Variants in C8orf34 observed in about 807,000 individuals in gnomAD.
C8orf34 encodes the protein chromosome 8 open reading frame 34, also known as uncharacterized protein C8orf34.
C8orf34 carries 65 observed loss-of-function variants against 68.3 expected under a neutral mutation model. The observed-to-expected ratio is 0.95, with a 90% confidence interval of 0.78 to 1.17. C8orf34 has a LOEUF of 1.17. C8orf34 is among the 50% of genes most tolerant of loss of function. The pLI, the probability that C8orf34 is intolerant of heterozygous loss-of-function variation, is 0.00. For synonymous variants in C8orf34, 244 were observed against 241.2 expected, an observed-to-expected ratio of 1.01 and a Z score of -0.11; for missense variants, 664 against 655.4, an observed-to-expected ratio of 1.01 and a Z score of -0.14.
intron 2 of C8orf34, among the ~76,000 whole-genome samples, chr8:68,443,334 T>C (rs1810988310): frequency 6.6e-6 from 1 of 152,310 alleles, no homozygotes; most frequent in Non-Finnish European, 1.5e-5. Context: ...AATTGAATGA[T>C]GGTAAATAAT....
At chr8:68,748,447 G>A (rs1822582015) in intron 10 of C8orf34, among the ~76,000 whole-genome samples, 2 of 149,456 alleles carry the variant, frequency 1.3e-5, no homozygotes, top group South Asian at 2.1e-4. Flanking sequence ...GAGTGAACAG[G>A]CAACCTACAA....
intron 7 of C8orf34, among the ~76,000 whole-genome samples, chr8:68,632,169 C>A (rs1325853130): frequency 6.6e-6 from 1 of 152,070 alleles, no homozygotes; most frequent in Non-Finnish European, 1.5e-5. Flanking sequence ...GAAGTCTAGG[C>A]TGAGGTGGTG....
chr8:68,761,656 A>G (rs1823027803), intron 10 of C8orf34, among the ~76,000 whole-genome samples: 1 of 152,194 alleles, frequency 6.6e-6, no homozygotes, highest in Non-Finnish European at 1.5e-5. Flanking sequence ...AACACACCAA[A>G]TGGAACCACA....
At chr8:68,753,204 A>C (rs1452554978) in intron 10 of C8orf34, among the ~76,000 whole-genome samples, 1 of 152,178 alleles carries the variant, frequency 6.6e-6, no homozygotes, top group Non-Finnish European at 1.5e-5. Context: ...AATAATGAGC[A>C]CTCTTGGATC....
intron 12 of C8orf34, among the ~76,000 whole-genome samples, chr8:68,801,330 A>G (rs1563677574): frequency 7.9e-5 from 12 of 152,194 alleles, no homozygotes; most frequent in African/African-American, 2.4e-5. Context: ...AACAGAAGAT[A>G]CGGCAATACT....
At chr8:68,632,609 A>G (rs1455148805) in intron 7 of C8orf34, among the ~76,000 whole-genome samples, 1 of 152,162 alleles carries the variant, frequency 6.6e-6, no homozygotes, top group African/African-American at 2.4e-5. Flanking sequence ...AGATCTTCAC[A>G]GCAGCCCCTC....
intron 7 of C8orf34, among the ~76,000 whole-genome samples, chr8:68,584,144 T>G (rs920951792): frequency 1.3e-5 from 2 of 152,156 alleles, no homozygotes; most frequent in African/African-American, 4.8e-5. Context: ...ATATTTACTT[T>G]TATGTGCCTA....
intron 5 of C8orf34, 78 bp downstream of exon 5, chr8:68,488,129 T>A: frequency 9.6e-7 from 1 of 1,043,814 alleles, no homozygotes; most frequent in East Asian, 2.7e-5. Flanking sequence ...TAAATAAATT[T>A]TCTGAAACAT....
At chr8:68,474,759 C>A (rs1379223740) in intron 4 of C8orf34, among the ~76,000 whole-genome samples, 1 of 152,190 alleles carries the variant, frequency 6.6e-6, no homozygotes, top group Non-Finnish European at 1.5e-5. Context: ...GCAGAAAGAG[C>A]CTGTAAAAGA....
At chr8:68,468,630 G>T in intron 3 of C8orf34, 62 bp from the exon 4 acceptor site, 3 of 1,531,084 alleles carry the variant, frequency 2.0e-6, no homozygotes, top group South Asian at 1.2e-5. Flanking sequence ...ACGTGATGAT[G>T]AATAGTCAGT....
rs1393535967 is a variant in C8orf34, at chr8:68,533,127, A to C, written c.1083A>C (p.Glu361Asp). ...PSVTEEDIDNEDDAMELLEDL... is the reference protein window; with the variant it reads ...PSVTEEDIDNDDDAMELLEDL... ...TAACAGAAGAAGATATTGATAATGA[A>C]GATGATGCAATGGAATTGCTGGGTA... Residue 361 changes from glutamate (E) to aspartate (D), a missense_variant, in exon 7 of 14, where the codon GAA becomes GAC. Glu to Asp is a conservative substitution (Grantham distance 45). Coordinates refer to ENST00000518698, the MANE Select transcript of C8orf34 (RefSeq NM_052958.4). The C allele has an allele frequency of 6.3e-7, 1 of 1,591,032 alleles. No homozygotes were observed. Among genetic ancestry groups the C allele is most frequent in the East Asian group, 2.2e-5 (1 of 44,550 alleles).
chr8:68,667,700 C>G (rs1819882541), intron 8 of C8orf34, among the ~76,000 whole-genome samples: 1 of 152,138 alleles, frequency 6.6e-6, no homozygotes, highest in African/African-American at 2.4e-5. Context: ...TTAGTTATTA[C>G]TGCAAGGCAT....
chr8:68,482,587 T>C lies in C8orf34; in HGVS notation c.737-5436T>C, dbSNP rs544026329. Among the ~76,000 whole-genome samples the C allele has an allele frequency of 5.9e-5, 9 of 152,314 alleles. No homozygotes were observed. The South Asian group carries it at 1.4e-3, about 25-fold the overall frequency. ...ACTGTGCCCAGTCTAAAGGGTGTTT[T>C]AGTTGACTAATTGTCAGAGGTTGTT... On this transcript the variant is annotated intron_variant, in intron 4 of 13. Coordinates refer to ENST00000518698, the MANE Select transcript of C8orf34 (RefSeq NM_052958.4).
chr8:68,384,384 G>T (rs549356803), intron 1 of C8orf34, among the ~76,000 whole-genome samples: 317 of 152,292 alleles, frequency 2.1e-3, no homozygotes, highest in South Asian at 6.4e-3. Flanking sequence ...CCAACAATAT[G>T]TTTGGAATGC....
intron 2 of C8orf34, among the ~76,000 whole-genome samples, chr8:68,439,893 C>T (rs1810829111): frequency 6.6e-6 from 1 of 152,102 alleles, no homozygotes; most frequent in African/African-American, 2.4e-5. Flanking sequence ...TTCAGATTTG[C>T]ATCAAAAGAT....
intron 9 of C8orf34, among the ~76,000 whole-genome samples, chr8:68,715,815 G>T (rs894293577): frequency 6.6e-6 from 1 of 152,004 alleles, no homozygotes; most frequent in African/African-American, 2.4e-5. Flanking sequence ...CTGTTACTAG[G>T]TATCTATCCA....
intron 8 of C8orf34, among the ~76,000 whole-genome samples, chr8:68,693,872 A>G (rs753123409): frequency 6.6e-6 from 1 of 152,052 alleles, no homozygotes; most frequent in African/African-American, 2.4e-5. Flanking sequence ...TGCAGCTCCC[A>G]TCTGTTGTGG....
At chr8:68,774,327 G>GTATATATATATATATATATAAATATATA (rs1332535200) in intron 10 of C8orf34, among the ~76,000 whole-genome samples, 1 of 96,050 alleles carries the variant, frequency 1.0e-5, no homozygotes, top group Non-Finnish European at 2.2e-5. Context: ...ATATGGGTGT[G>GTATATATATATATATATATAAATATATA]TGTGTATATA....
intron 10 of C8orf34, among the ~76,000 whole-genome samples, chr8:68,725,180 G>A (rs779252317): frequency 5.3e-5 from 8 of 152,114 alleles, no homozygotes; most frequent in Non-Finnish European, 8.8e-5. Context: ...AATCTATTTT[G>A]CTGTAAAAGT....
Sources: allele counts gnomAD v4.1 joint callset (sites outside exome capture counted in the v4.1 genomes callset), GRCh38; gene constraint gnomAD v4.1.1; transcripts MANE v1.5; gene names NCBI Gene and HGNC (gene_info 2026-07-23, HGNC 2026-07-21).